Variants in GLIS3 observed in about 807,000 individuals in gnomAD.
GLIS3 encodes GLIS family zinc finger 3.
In GLIS3, 53 loss-of-function variants were observed where a neutral mutation model predicts 78.6. The observed-to-expected ratio is 0.67, with a 90% CI of 0.54 to 0.85. GLIS3 has a LOEUF of 0.85. Among genes scored for constraint, GLIS3 ranks in the 40% least tolerant of loss-of-function variants. The pLI, the probability that GLIS3 is intolerant of heterozygous loss-of-function variation, is 0.00. For missense variants in GLIS3, 1,703 were observed against 1,231.1 expected (o/e 1.38, Z -5.74); for synonymous variants, 684 against 509.9 (o/e 1.34, Z -4.60).
intron 2 of GLIS3, among the ~76,000 whole-genome samples, chr9:4,143,515 C>G (rs976460258): frequency 6.6e-6 from 1 of 151,326 alleles, no homozygotes; most frequent in Non-Finnish European, 1.5e-5. Context: ...TGCAGTGAGC[C>G]GAGATTGCAC....
At chr9:4,133,900 G>C (rs1296677301) in intron 2 of GLIS3, among the ~76,000 whole-genome samples, 3 of 148,390 alleles carry the variant, frequency 2.0e-5, no homozygotes, top group South Asian at 4.3e-4. Context: ...CGCCTGAACG[G>C]GATCCAGGTT....
At chr9:4,028,147 T>C (rs1489447529) in intron 4 of GLIS3, among the ~76,000 whole-genome samples, 1 of 152,216 alleles carries the variant, frequency 6.6e-6, no homozygotes, top group Non-Finnish European at 1.5e-5. Flanking sequence ...ATTTTGAAGC[T>C]AGACAACTTC....
intron 4 of GLIS3, among the ~76,000 whole-genome samples, chr9:4,095,094 C>G (rs1829833445): frequency 6.6e-6 from 1 of 152,148 alleles, no homozygotes; most frequent in Non-Finnish European, 1.5e-5. Context: ...TAACTATTGT[C>G]ATCCTGCAGA....
chr9:4,425,317 C>A, the GLIS3 span, among the ~76,000 whole-genome samples: 1 of 152,178 alleles, frequency 6.6e-6, no homozygotes, highest in Non-Finnish European at 1.5e-5. Context: ...TCAAAGATAT[C>A]ATTATGCAAA....
chr9:4,118,207 G>T lies in GLIS3; in HGVS notation c.1271C>A (p.Ser424Ter). 1.9e-6 allele frequency: 3 copies of T among 1,586,528 alleles called. No homozygotes were observed. The highest frequency in any genetic ancestry group is 2.6e-6 in the Non-Finnish European group (3 of 1,166,050). The change falls in exon 4 of 11, where the codon TCG (serine) becomes TAG (stop). Residue 424 changes from serine to a stop codon, truncating the protein, a stop_gained. Coordinates refer to ENST00000381971, the MANE Select transcript of GLIS3 (RefSeq NM_001042413.2). LOFTEE classifies it high-confidence loss of function. The surrounding 1 kb of genome is among the most constrained non-coding windows in gnomAD (Gnocchi z 4.7). ...GCGTTCGGTCTTGAACAGGCCGGCC[G>T]ACTGGCTGTCGGGGCCCGGCAGGCC... The part of the protein sequence containing the change: ...QHGLPGPDSQ[S>*]AGLFKTERLE...
chr9:4,100,444 G>A (rs940784212), intron 4 of GLIS3, among the ~76,000 whole-genome samples: 2 of 152,038 alleles, frequency 1.3e-5, no homozygotes, highest in African/African-American at 4.8e-5. Context: ...AAAACAAAGG[G>A]GAAAAAAGCT....
intron 2 of GLIS3, among the ~76,000 whole-genome samples, chr9:4,176,383 A>T (rs1443289603): frequency 1.3e-5 from 2 of 152,176 alleles, no homozygotes; most frequent in South Asian, 2.1e-4. Flanking sequence ...GGAAACATTC[A>T]GCTTATATTT....
At chr9:4,015,675 G>A (rs1822371900) in intron 4 of GLIS3, among the ~76,000 whole-genome samples, 1 of 151,922 alleles carries the variant, frequency 6.6e-6, no homozygotes, top group African/African-American at 2.4e-5. Context: ...ATCACCTGAG[G>A]TCAGGAGTCT....
intron 2 of GLIS3, among the ~76,000 whole-genome samples, chr9:4,185,076 G>A (rs1563716716): frequency 2.0e-5 from 3 of 152,026 alleles, no homozygotes; most frequent in Non-Finnish European, 2.9e-5. Flanking sequence ...CATCCCAATA[G>A]GATCCATGAT....
At chr9:4,009,679 G>A (rs1821838232) in intron 4 of GLIS3, among the ~76,000 whole-genome samples, 1 of 152,220 alleles carries the variant, frequency 6.6e-6, no homozygotes, top group African/African-American at 2.4e-5. Context: ...GGAGAAACAA[G>A]AGGCAATAAG....
chr9:4,196,878 C>T (rs940272832), intron 2 of GLIS3, among the ~76,000 whole-genome samples: 3 of 152,156 alleles, frequency 2.0e-5, no homozygotes, highest in Non-Finnish European at 4.4e-5. Context: ...TGCATGTGTC[C>T]TTGCTGAGTG....
At chr9:4,365,025 A>T in the GLIS3 span, among the ~76,000 whole-genome samples, 1 of 152,156 alleles carries the variant, frequency 6.6e-6, no homozygotes, top group Admixed American at 6.5e-5. Context: ...TTTTTAACTT[A>T]TGAAAAAAGT....
rs1419473948 is a variant in GLIS3 at position 4,117,832 on chromosome 9, T to A, written c.1646A>T (p.Asn549Ile). 1 of 1,613,946 alleles carries A rather than the reference T, an allele frequency of 6.2e-7. No homozygotes were observed. Among genetic ancestry groups the A allele is most frequent in the African/African-American group, 1.3e-5 (1 of 74,880 alleles). ...AGCPRRYKPF[N>I]ARYKLLIHMR... ...GTGGATCAGCAGTTTATAGCGGGCG[T>A]TGAAGGGCTTGTATCTTCGAGGGCA... Residue 549 changes from asparagine (N) to isoleucine (I), a missense_variant, in exon 4 of 11, where the codon AAC (asparagine) becomes ATC (isoleucine). Transcript: ENST00000381971.
chr9:4,401,330 G>T, the GLIS3 span, among the ~76,000 whole-genome samples: 9 of 152,068 alleles, frequency 5.9e-5, no homozygotes, highest in African/African-American at 2.2e-4. Flanking sequence ...TGTGATCTCA[G>T]CTCACAGCAA....
chr9:3,891,631 G>A (rs1217363396), intron 7 of GLIS3, among the ~76,000 whole-genome samples: 3 of 152,184 alleles, frequency 2.0e-5, no homozygotes, highest in African/African-American at 7.2e-5. Flanking sequence ...GAGCCCAGGG[G>A]TTCAAGGTTA....
At chr9:4,177,747 G>T (rs749836091) in intron 2 of GLIS3, among the ~76,000 whole-genome samples, 3 of 152,230 alleles carry the variant, frequency 2.0e-5, no homozygotes, top group Non-Finnish European at 4.4e-5. Context: ...CATATGGAAA[G>T]TGTTCCTGGT....
intron 2 of GLIS3, among the ~76,000 whole-genome samples, chr9:4,249,904 T>C (rs909795937): frequency 1.3e-5 from 2 of 152,234 alleles, no homozygotes; most frequent in South Asian, 2.1e-4. Context: ...AGGTTCTGTT[T>C]ATGTGATGGA....
chr9:3,971,671 C>G (rs1272443318), intron 4 of GLIS3, among the ~76,000 whole-genome samples: 1 of 152,174 alleles, frequency 6.6e-6, no homozygotes, highest in Non-Finnish European at 1.5e-5. Context: ...CTATGGTTAT[C>G]TGATTGGCAC....
intron 2 of GLIS3, among the ~76,000 whole-genome samples, chr9:4,161,853 T>G (rs1183476590): frequency 3.4e-4 from 4 of 11,912 alleles, no homozygotes; most frequent in Admixed American, 9.4e-4. Context: ...ATTTTTGTTT[T>G]TTTTTTTTTT....
Sources: allele counts gnomAD v4.1 joint callset (sites outside exome capture counted in the v4.1 genomes callset), GRCh38; gene constraint gnomAD v4.1.1; non-coding constraint Gnocchi (gnomAD v3.1); transcripts MANE v1.5; gene names NCBI Gene and HGNC (gene_info 2026-07-23, HGNC 2026-07-21).